The following RAD51B variants were observed in gnomAD, a reference collection of about 807,000 sequenced individuals.
RAD51B encodes the protein RAD51 paralog B.
A neutral mutation model predicts 42.2 loss-of-function variants in RAD51B; 38 were observed. The ratio of observed to expected loss-of-function variants is 0.90; its 90% CI spans 0.70 to 1.18. RAD51B has a LOEUF of 1.18. Ranked by LOEUF, RAD51B falls within the 50% of genes most tolerant of loss-of-function variation. The pLI, the probability that RAD51B is intolerant of heterozygous loss-of-function variation, is 0.00. For synonymous variants in RAD51B, 154 were observed against 145.2 expected (o/e 1.06, Z -0.43); for missense variants, 373 against 400.7 (o/e 0.93, Z 0.59).
chr14:68,570,647 A>C (rs554879254), intron 10 of RAD51B, among the ~76,000 whole-genome samples: 1 of 152,030 alleles, frequency 6.6e-6, no homozygotes, highest in Non-Finnish European at 1.5e-5. Flanking sequence ...TAACCTTCTG[A>C]CCCTCTGTGT....
chr14:68,432,110 G>A (rs2085024129), intron 9 of RAD51B, among the ~76,000 whole-genome samples: 1 of 152,220 alleles, frequency 6.6e-6, no homozygotes. Flanking sequence ...ACTGTGGTCT[G>A]AGAGACAGTT....
chr14:68,317,093 A>G (rs1043056845), intron 8 of RAD51B, among the ~76,000 whole-genome samples: 4 of 152,336 alleles, frequency 2.6e-5, no homozygotes, highest in African/African-American at 9.6e-5. Flanking sequence ...CAAGCTTCTC[A>G]AAATACATGA....
chr14:67,921,567 T>TCACACACACACACACACA (rs3219795), intron 7 of RAD51B, among the ~76,000 whole-genome samples: 2 of 125,946 alleles, frequency 1.6e-5, no homozygotes, highest in East Asian at 2.5e-4. Flanking sequence ...TATGTGCACA[T>TCACACACACACACACACA]CACACACACA....
intron 10 of RAD51B, among the ~76,000 whole-genome samples, chr14:68,638,279 G>A (rs1430818262): frequency 1.3e-5 from 2 of 152,170 alleles, no homozygotes; most frequent in Non-Finnish European, 2.9e-5. Flanking sequence ...AGTGGGTGGG[G>A]ACCTTCTTGG....
intron 7 of RAD51B, among the ~76,000 whole-genome samples, chr14:67,985,903 T>G (rs1264755945): frequency 6.6e-6 from 1 of 152,008 alleles, no homozygotes; most frequent in African/African-American, 2.4e-5. Flanking sequence ...GAGCCAGAAC[T>G]TGTCTTAAAT....
At chr14:68,387,562 C>T (rs1026003228) in intron 8 of RAD51B, among the ~76,000 whole-genome samples, 18 of 152,154 alleles carry the variant, frequency 1.2e-4, no homozygotes, top group African/African-American at 3.6e-4. Flanking sequence ...GTTTTCTGTA[C>T]GTCTGTCTCT....
intron 8 of RAD51B, among the ~76,000 whole-genome samples, chr14:68,302,839 C>G (rs767710061): frequency 1.3e-5 from 2 of 152,218 alleles, no homozygotes; most frequent in African/African-American, 2.4e-5. Flanking sequence ...CTTAAGAATG[C>G]CTTTAAGCAG....
intron 8 of RAD51B, among the ~76,000 whole-genome samples, chr14:68,304,195 A>G (rs1301996862): frequency 6.6e-6 from 1 of 152,044 alleles, no homozygotes; most frequent in Non-Finnish European, 1.5e-5. Flanking sequence ...CACTATGGAA[A>G]TTAATACAAG....
intron 8 of RAD51B, chr14:68,306,758 G>A (rs561785227): frequency 2.4e-5 from 9 of 374,032 alleles, no homozygotes; most frequent in African/African-American, 1.4e-4. Context: ...TTGCATGGCC[G>A]AAGTGAGATT....
chr14:67,982,343 T>C (rs10143219), intron 7 of RAD51B, among the ~76,000 whole-genome samples: 10,797 of 152,228 alleles, frequency 0.071, 945 homozygotes, highest in African/African-American at 0.21. Context: ...AGTTCACCAT[T>C]GAAAGCAATA....
intron 7 of RAD51B, among the ~76,000 whole-genome samples, chr14:67,984,203 C>T (rs1441798883): frequency 6.6e-6 from 1 of 152,078 alleles, no homozygotes; most frequent in East Asian, 1.9e-4. Flanking sequence ...TCCCAAAGTG[C>T]TGGGATTACA....
At chr14:68,138,026 G>A (rs139549260) in intron 7 of RAD51B, among the ~76,000 whole-genome samples, 9 of 152,322 alleles carry the variant, frequency 5.9e-5, no homozygotes, top group Admixed American at 5.2e-4. Context: ...CTCAGGGTGT[G>A]ATTTGAGCTT....
chr14:67,990,274 C>T (rs959751060), intron 7 of RAD51B, among the ~76,000 whole-genome samples: 1 of 152,110 alleles, frequency 6.6e-6, no homozygotes, highest in Non-Finnish European at 1.5e-5. Flanking sequence ...GGATTACAGG[C>T]GTAAGCCACC....
At chr14:68,393,267 G>A (rs2083812252) in intron 8 of RAD51B, among the ~76,000 whole-genome samples, 1 of 152,200 alleles carries the variant, frequency 6.6e-6, no homozygotes, top group African/African-American at 2.4e-5. Context: ...AATTTAGGAG[G>A]AGGATTAGTG....
intron 8 of RAD51B, among the ~76,000 whole-genome samples, chr14:68,319,795 G>A (rs1275888808): frequency 6.6e-6 from 1 of 152,166 alleles, no homozygotes; most frequent in Non-Finnish European, 1.5e-5. Flanking sequence ...CTAGAGAAGT[G>A]GAGTCTCACT....
At chr14:68,456,923 C>CTTTTTTTTTTTTTTTTTTTTT (rs1176116647) in intron 9 of RAD51B, among the ~76,000 whole-genome samples, 23 of 60,582 alleles carry the variant, frequency 3.8e-4, no homozygotes, top group Non-Finnish European at 3.9e-4. Flanking sequence ...TTTTTTTTTG[C>CTTTTTTTTTTTTTTTTTTTTT]TTTTTTTGAG....
intron 11 of RAD51B, among the ~76,000 whole-genome samples, chr14:68,663,690 CT>C (rs1892979890): frequency 6.6e-6 from 1 of 152,224 alleles, no homozygotes; most frequent in African/African-American, 2.4e-5. Flanking sequence ...AGACTTAGGC[CT>C]AACAGTGCTA....
intron 7 of RAD51B, among the ~76,000 whole-genome samples, chr14:67,899,136 G>A (rs917954711): frequency 5.9e-5 from 9 of 151,858 alleles, no homozygotes; most frequent in South Asian, 2.1e-4. Flanking sequence ...TCCGCCTCCC[G>A]GGCTCATGCT....
intron 10 of RAD51B, among the ~76,000 whole-genome samples, chr14:68,483,401 G>A (rs899717406): frequency 6.6e-6 from 1 of 152,172 alleles, no homozygotes; most frequent in Non-Finnish European, 1.5e-5. Flanking sequence ...GTGACCTTTT[G>A]AAATAGAGGG....
Sources: gnomAD v4.1 joint callset for allele counts (sites outside exome capture counted in the v4.1 genomes callset) on GRCh38, gnomAD v4.1.1 for gene constraint, MANE v1.5 for transcripts, NCBI Gene and HGNC (gene_info 2026-07-23, HGNC 2026-07-21) for gene names.